Variants in MEGF11 observed in about 807,000 individuals in gnomAD.
MEGF11 encodes multiple epidermal growth factor-like domains protein 11.
MEGF11 carries 126 observed loss-of-function variants against 146.6 expected under a neutral mutation model. The observed-to-expected ratio is 0.86, with a 90% CI of 0.74 to 1.00. The LOEUF (loss-of-function observed/expected upper bound fraction) is 1.00, where lower values mean the gene tolerates loss of function less well. Among genes scored for constraint, MEGF11 ranks in the 50% least tolerant of loss-of-function variants. MEGF11 has a pLI of 0.00. For missense variants in MEGF11, 1,509 were observed against 1,521.2 expected (o/e 0.99, Z 0.13); for synonymous variants, 532 against 583.4 (o/e 0.91, Z 1.27).
intron 1 of MEGF11, among the ~76,000 whole-genome samples, chr15:66,183,835 T>C (rs143659886): frequency 1.3e-5 from 2 of 152,292 alleles, no homozygotes; most frequent in African/African-American, 4.8e-5. Context: ...CGCAGTCCCA[T>C]GGACCTCACC....
chr15:66,139,957 C>T (rs1442072813), intron 1 of MEGF11, among the ~76,000 whole-genome samples: 1 of 152,138 alleles, frequency 6.6e-6, no homozygotes, highest in Non-Finnish European at 1.5e-5. Flanking sequence ...AGCCAAACCC[C>T]AATTAACTGG....
intron 5 of MEGF11, among the ~76,000 whole-genome samples, chr15:66,092,624 T>C (rs1221277007): frequency 6.6e-6 from 1 of 152,182 alleles, no homozygotes; most frequent in Non-Finnish European, 1.5e-5. Context: ...CCACCTTTGT[T>C]CCATCTCTTT....
chr15:66,217,130 A>C (rs2091605080), intron 1 of MEGF11, among the ~76,000 whole-genome samples: 1 of 152,224 alleles, frequency 6.6e-6, no homozygotes, highest in Non-Finnish European at 1.5e-5. Context: ...TCTCCACCTC[A>C]GAGTCTATTT....
intron 1 of MEGF11, among the ~76,000 whole-genome samples, chr15:66,236,792 G>C (rs1021671995): frequency 2.6e-5 from 4 of 152,154 alleles, no homozygotes; most frequent in Admixed American, 2.0e-4. Flanking sequence ...TGCCGGTCCT[G>C]GTTTGGGGAG....
At chr15:66,218,259 A>T (rs2091637489) in intron 1 of MEGF11, among the ~76,000 whole-genome samples, 1 of 152,196 alleles carries the variant, frequency 6.6e-6, no homozygotes, top group South Asian at 2.1e-4. Context: ...CTAACTGATG[A>T]GTTGCCATTT....
Position 65,982,148 on chromosome 15 carries a change from CAGCCCCT to C in MEGF11, c.641+87_641+93del. On this transcript the variant is annotated intron_variant, in intron 6 of 25. Transcript: ENST00000395614. This position sits in a 1 kb window ranked among gnomAD's most constrained non-coding sequence, Gnocchi z 5.6. ...AGGGCAGCCACTCCAGGCCCCGCCC[CAGCCCCT>C]CCACCTCCTCTACCCTCCCCACCCA... The C allele has an allele frequency of 6.1e-6, 8 of 1,320,902 alleles. No individual in the cohort carries two copies. Among genetic ancestry groups the C allele is most frequent in the South Asian group, 1.5e-5 (1 of 68,848 alleles). The allele number at this position is 1,320,902 out of a possible 1,614,324, so 81.8% of individuals were successfully genotyped here.
intron 1 of MEGF11, among the ~76,000 whole-genome samples, chr15:66,171,165 G>A (rs2090243728): frequency 6.6e-6 from 1 of 152,222 alleles, no homozygotes; most frequent in Admixed American, 6.5e-5. Context: ...GGCTCTTGTT[G>A]GAGTCACGGT....
chr15:66,167,668 AACAAAC>A (rs2090137234), intron 1 of MEGF11, among the ~76,000 whole-genome samples: 3 of 151,076 alleles, frequency 2.0e-5, no homozygotes, highest in Admixed American at 6.6e-5. Flanking sequence ...AAAACAAACA[AACAAAC>A]AAACAAACAA....
chr15:66,029,027 G>C (rs2083429166), intron 5 of MEGF11, among the ~76,000 whole-genome samples: 1 of 152,228 alleles, frequency 6.6e-6, no homozygotes, highest in African/African-American at 2.4e-5. Context: ...GAAGGGTGAT[G>C]TTTGGGGGTC....
chr15:65,914,741 C>T (rs1413748071), intron 19 of MEGF11, among the ~76,000 whole-genome samples: 3 of 152,214 alleles, frequency 2.0e-5, no homozygotes, highest in Admixed American at 1.3e-4. Flanking sequence ...GATTTATCCT[C>T]AGAATGCAAC....
intron 10 of MEGF11, among the ~76,000 whole-genome samples, chr15:65,937,945 C>T (rs922025083): frequency 2.0e-5 from 3 of 152,244 alleles, no homozygotes; most frequent in Non-Finnish European, 4.4e-5. Flanking sequence ...GAACCACTGG[C>T]TATGTGATCT....
chr15:66,220,134 G>T (rs1209629121), intron 1 of MEGF11, among the ~76,000 whole-genome samples: 1 of 152,050 alleles, frequency 6.6e-6, no homozygotes, highest in Non-Finnish European at 1.5e-5. Flanking sequence ...CAGCACAAAG[G>T]CCTGGGGAGA....
intron 5 of MEGF11, among the ~76,000 whole-genome samples, chr15:66,080,284 C>G (rs2085792825): frequency 6.6e-6 from 1 of 152,222 alleles, no homozygotes; most frequent in Admixed American, 6.5e-5. Context: ...TCAGACAGAC[C>G]CAGCCCTGAC....
chr15:65,904,700 G>T (rs2078576646), intron 24 of MEGF11, among the ~76,000 whole-genome samples: 1 of 152,104 alleles, frequency 6.6e-6, no homozygotes, highest in African/African-American at 2.4e-5. Context: ...CAGTGTTTGG[G>T]GAATAAGCTG....
intron 4 of MEGF11, among the ~76,000 whole-genome samples, chr15:66,116,529 C>A (rs1410649892): frequency 1.3e-5 from 2 of 152,170 alleles, no homozygotes; most frequent in East Asian, 1.9e-4. Flanking sequence ...CTGCATCTTG[C>A]GTAGCAAGAA....
chr15:66,252,678 C>A (rs1335100828), intron 1 of MEGF11, among the ~76,000 whole-genome samples: 1 of 152,206 alleles, frequency 6.6e-6, no homozygotes, highest in African/African-American at 2.4e-5. Flanking sequence ...TTGACGCCCT[C>A]GAGGAACGAT....
At chr15:66,224,510 G>A (rs112053501) in intron 1 of MEGF11, among the ~76,000 whole-genome samples, 15,170 of 151,376 alleles carry the variant, frequency 0.1, 812 homozygotes, top group African/African-American at 0.14. Context: ...CTTGAACCCG[G>A]GAGGCGGAGT....
At chr15:65,943,286 G>A (rs928007445) in intron 10 of MEGF11, among the ~76,000 whole-genome samples, 2 of 152,084 alleles carry the variant, frequency 1.3e-5, no homozygotes, top group Non-Finnish European at 2.9e-5. Context: ...CCCAAACCTT[G>A]TCATTTTTAA....
chr15:66,210,756 C>T (rs149622992), intron 1 of MEGF11, among the ~76,000 whole-genome samples: 4 of 152,258 alleles, frequency 2.6e-5, no homozygotes, highest in Middle Eastern at 3.4e-3. Flanking sequence ...GAATTCTTAC[C>T]GCAGTATGTC....
Sources: allele counts gnomAD v4.1 joint callset (sites outside exome capture counted in the v4.1 genomes callset), GRCh38; gene constraint gnomAD v4.1.1; non-coding constraint Gnocchi (gnomAD v3.1); transcripts MANE v1.5; gene names NCBI Gene and HGNC (gene_info 2026-07-23, HGNC 2026-07-21).